The following MAF variants were observed in gnomAD, a reference collection of about 807,000 sequenced individuals.
MAF encodes the protein MAF bZIP transcription factor, also known as transcription factor Maf.
Under a neutral mutation model 22.0 loss-of-function variants are expected in MAF, and 10 were observed. That is an observed-to-expected ratio of 0.45 (90% confidence interval 0.28 to 0.77). The LOEUF (loss-of-function observed/expected upper bound fraction) is 0.77. MAF is among the 30% of genes least tolerant of loss of function. The probability of loss-of-function intolerance (pLI) is 0.12; values close to 1 mark genes in which losing one functional copy is unlikely to be tolerated. For synonymous variants in MAF, 337 were observed against 255.8 expected (o/e 1.32, Z -3.03); for missense variants, 544 against 548.4 (o/e 0.99, Z 0.08).
chr16:79,548,938 T>C, the MAF span, among the ~76,000 whole-genome samples: 1 of 152,222 alleles, frequency 6.6e-6, no homozygotes, highest in Non-Finnish European at 1.5e-5. Flanking sequence ...AGCTAGTTAT[T>C]CTGTGCACCT....
chr16:79,207,296 T>G, the MAF span, among the ~76,000 whole-genome samples: 3 of 152,206 alleles, frequency 2.0e-5, no homozygotes. Context: ...ACCAGATGAG[T>G]AACAATGGAA....
At chr16:79,339,221 C>T in the MAF span, among the ~76,000 whole-genome samples, 5 of 149,678 alleles carry the variant, frequency 3.3e-5, no homozygotes, top group East Asian at 2.0e-4. Flanking sequence ...AGGCACCCGC[C>T]ACCACGCCCG....
chr16:79,301,633 A>G, the MAF span, among the ~76,000 whole-genome samples: 15 of 145,502 alleles, frequency 1.0e-4, no homozygotes, highest in East Asian at 3.1e-3. Context: ...TATTATATCT[A>G]TGTGTGTATA....
the MAF span, among the ~76,000 whole-genome samples, chr16:79,449,866 G>A: frequency 3.3e-5 from 5 of 152,136 alleles, no homozygotes; most frequent in Admixed American, 6.5e-5. Flanking sequence ...CCCCTTTCCC[G>A]CTCCTCACCC....
the MAF span, among the ~76,000 whole-genome samples, chr16:79,319,188 G>C: frequency 6.6e-6 from 1 of 152,116 alleles, no homozygotes; most frequent in Admixed American, 6.6e-5. Context: ...TTGGGGAGGT[G>C]GGGGGAGGTC....
the MAF span, among the ~76,000 whole-genome samples, chr16:79,209,850 G>T: frequency 6.6e-6 from 1 of 152,176 alleles, no homozygotes; most frequent in Non-Finnish European, 1.5e-5. Flanking sequence ...TAAGCTCAGG[G>T]TTATTAGGAA....
the MAF span, among the ~76,000 whole-genome samples, chr16:79,473,826 G>C: frequency 7.9e-5 from 12 of 151,966 alleles, no homozygotes; most frequent in Non-Finnish European, 1.3e-4. Flanking sequence ...TGGCACTTTT[G>C]AGTTTTAAAT....
At chr16:79,269,603 T>G in the MAF span, among the ~76,000 whole-genome samples, 1 of 152,060 alleles carries the variant, frequency 6.6e-6, no homozygotes, top group Non-Finnish European at 1.5e-5. Flanking sequence ...TGGTGAAGAA[T>G]ATGGCTGATC....
chr16:79,597,632 T>A (rs1913612248), intron 1 of MAF: 1 of 1,021,962 alleles, frequency 9.8e-7, no homozygotes, highest in African/African-American at 1.7e-5. Context: ...CAAAATTTCA[T>A]GGGAAGAAGG....
the MAF span, among the ~76,000 whole-genome samples, chr16:79,308,812 T>C: frequency 1.3e-5 from 2 of 152,166 alleles, no homozygotes; most frequent in Non-Finnish European, 2.9e-5. Context: ...AGCCATGTAA[T>C]TCCTGACTCT....
At chr16:79,568,463 G>C in the MAF span, among the ~76,000 whole-genome samples, 23 of 152,174 alleles carry the variant, frequency 1.5e-4, no homozygotes, top group Admixed American at 2.6e-4. Flanking sequence ...CTCATGGTAG[G>C]TGAGTCTGAA....
chr16:79,352,505 A>G, the MAF span, among the ~76,000 whole-genome samples: 1 of 152,170 alleles, frequency 6.6e-6, no homozygotes, highest in Non-Finnish European at 1.5e-5. Flanking sequence ...CCATAAAATA[A>G]TAACAGTTAA....
chr16:79,499,009 G>A, the MAF span, among the ~76,000 whole-genome samples: 2 of 152,154 alleles, frequency 1.3e-5, no homozygotes, highest in African/African-American at 4.8e-5. Context: ...CCTTTTTAGA[G>A]AGGAGAGTAG....
At chr16:79,433,287 T>A in the MAF span, among the ~76,000 whole-genome samples, 53 of 146,106 alleles carry the variant, frequency 3.6e-4, no homozygotes, top group African/African-American at 1.2e-3. Context: ...AATATATATA[T>A]ATATATATAT....
At chr16:79,294,550 T>C in the MAF span, among the ~76,000 whole-genome samples, 4 of 152,212 alleles carry the variant, frequency 2.6e-5, no homozygotes, top group Non-Finnish European at 5.9e-5. Context: ...TGTTACCGTA[T>C]TGTAATCCCT....
chr16:79,583,739 G>A (rs928134047), downstream of MAF, among the ~76,000 whole-genome samples: 22 of 152,320 alleles, frequency 1.4e-4, no homozygotes, highest in African/African-American at 5.3e-4. Flanking sequence ...GCCTCAAAGG[G>A]AGATTCAAAA....
the MAF span, among the ~76,000 whole-genome samples, chr16:79,311,992 C>T: frequency 6.6e-6 from 1 of 152,104 alleles, no homozygotes; most frequent in South Asian, 2.1e-4. Flanking sequence ...GATTAAAGTC[C>T]ACTTCCCCAC....
At chr16:79,327,615 G>A in the MAF span, among the ~76,000 whole-genome samples, 2 of 152,282 alleles carry the variant, frequency 1.3e-5, no homozygotes, top group East Asian at 1.9e-4. Flanking sequence ...GGTGGAAATA[G>A]TGTTTTTCTG....
chr16:79,450,003 A>G, the MAF span, among the ~76,000 whole-genome samples: 1 of 152,228 alleles, frequency 6.6e-6, no homozygotes, highest in Admixed American at 6.5e-5. Context: ...CGCCGCTAAA[A>G]CAATTGCTGC....
Sources: allele counts gnomAD v4.1 joint callset (sites outside exome capture counted in the v4.1 genomes callset), GRCh38; gene constraint gnomAD v4.1.1; transcripts MANE v1.5; gene names NCBI Gene and HGNC (gene_info 2026-07-23, HGNC 2026-07-21).